Variants in LDLRAD4 observed in about 807,000 individuals in gnomAD.
The protein encoded by LDLRAD4 is low-density lipoprotein receptor class A domain-containing protein 4.
In LDLRAD4, 5 loss-of-function variants were observed where a neutral mutation model predicts 17.0. The observed-to-expected ratio is 0.29, with a 90% CI of 0.15 to 0.62. The LOEUF (loss-of-function observed/expected upper bound fraction) is 0.62. Among genes scored for constraint, LDLRAD4 ranks in the 20% least tolerant of loss-of-function variants. The pLI, the probability that LDLRAD4 is intolerant of heterozygous loss-of-function variation, is 0.84. For synonymous variants in LDLRAD4, 168 were observed against 171.8 expected, an observed-to-expected ratio of 0.98 and a Z score of 0.17; for missense variants, 340 against 424.7, an observed-to-expected ratio of 0.80 and a Z score of 1.75.
intron 3 of LDLRAD4, among the ~76,000 whole-genome samples, chr18:13,524,931 C>T (rs1476355068): frequency 6.6e-6 from 1 of 152,242 alleles, no homozygotes; most frequent in African/African-American, 2.4e-5. Flanking sequence ...CGCCCCAGTT[C>T]TAAATTAAGG....
intron 1 of LDLRAD4, among the ~76,000 whole-genome samples, chr18:13,318,003 T>C (rs1378465017): frequency 6.6e-6 from 1 of 152,212 alleles, no homozygotes; most frequent in East Asian, 1.9e-4. Flanking sequence ...TATTTGTCTC[T>C]CTGTGTCATC....
At chr18:13,451,254 G>A (rs1402641294) in intron 3 of LDLRAD4, among the ~76,000 whole-genome samples, 5 of 152,220 alleles carry the variant, frequency 3.3e-5, no homozygotes, top group African/African-American at 9.6e-5. Context: ...ATGTTGAGAT[G>A]TAAGCCCCAG....
rs188700704 is a variant in LDLRAD4 at position 13,335,454 on chromosome 18, C to G, written c.-382-51887C>G. 1.9e-3 allele frequency among the ~76,000 whole-genome samples: 292 copies of G among 152,334 alleles called. 3 individuals carry two copies. Among genetic ancestry groups the G allele is most frequent in the Non-Finnish European group, 3.1e-3 (210 of 68,038 alleles). On this transcript the variant is annotated intron_variant, in intron 1 of 5. Transcript: ENST00000359446. ...GTGACATTACCCTGTCTCCCACCAT[C>G]TTTTACTACTCTCCCCCAACACTAC... is the stretch of plus-strand genomic sequence containing the variant.
rs142424679 is a variant in LDLRAD4, at chr18:13,530,512, G to A, written c.182-90605G>A. ...CTAGTAGGAGTCCAAAAACATCCTG[G>A]CCAAAATGAAATGATTTCCAGCAAT... On this transcript the variant is annotated intron_variant, in intron 3 of 5. Coordinates refer to ENST00000359446, the Ensembl canonical transcript of LDLRAD4. Among the ~76,000 whole-genome samples, 48 of 152,272 alleles carry A rather than the reference G, an allele frequency of 3.2e-4. No individual in the cohort carries two copies. The East Asian group carries it at 8.7e-3, about 28-fold the overall frequency.
intron 3 of LDLRAD4, among the ~76,000 whole-genome samples, chr18:13,473,678 T>TATATATATATATATATA (rs374731826): frequency 2.5e-5 from 2 of 79,986 alleles, no homozygotes; most frequent in Non-Finnish European, 2.3e-5. Flanking sequence ...TATATATATA[T>TATATATATATATATATA]AACGTTTACA....
intron 3 of LDLRAD4, chr18:13,612,691 C>A: frequency 6.2e-7 from 1 of 1,613,842 alleles, no homozygotes. Flanking sequence ...CTCCCACTTG[C>A]AGAGGACCTG....
intron 1 of LDLRAD4, among the ~76,000 whole-genome samples, chr18:13,330,914 TG>T (rs1009661599): frequency 6.6e-6 from 1 of 152,214 alleles, no homozygotes; most frequent in African/African-American, 2.4e-5. Context: ...CCCAAAGGAC[TG>T]GGGTCCAAGA....
rs536103191 is a variant in LDLRAD4 at position 13,540,178 on chromosome 18, T to C, written c.182-80939T>C. Among the ~76,000 whole-genome samples the C allele has an allele frequency of 8.5e-5, 13 of 152,362 alleles. 1 individual carries two copies. Among genetic ancestry groups the C allele is most frequent in the African/African-American group, 3.1e-4 (13 of 41,586 alleles). On this transcript the variant is annotated intron_variant, in intron 3 of 5. Transcript: ENST00000359446. ...TTTCATGCCAAATCTTCCCAATTTATCTGTGTTTGTCTTTTTTAAAAAATA... is the reference window on the plus strand; with the variant it reads ...TTTCATGCCAAATCTTCCCAATTTACCTGTGTTTGTCTTTTTTAAAAAATA...
intron 3 of LDLRAD4, among the ~76,000 whole-genome samples, chr18:13,616,558 G>T (rs891726413): frequency 6.6e-6 from 1 of 152,210 alleles, no homozygotes; most frequent in Non-Finnish European, 1.5e-5. Context: ...TCTGCCGCGT[G>T]TGTGGGCCCC....
intron 1 of LDLRAD4, among the ~76,000 whole-genome samples, chr18:13,296,461 A>G (rs752417686): frequency 1.3e-5 from 2 of 152,018 alleles, no homozygotes; most frequent in Admixed American, 6.6e-5. Context: ...GACTGCCACC[A>G]TGTCCCTGGG....
intron 3 of LDLRAD4, chr18:13,611,447 T>C (rs1452290338): frequency 9.1e-6 from 9 of 985,270 alleles, no homozygotes; most frequent in Non-Finnish European, 8.4e-6. Context: ...ACTCGCAGCC[T>C]GCCCTGAATT....
At chr18:13,427,038 G>T (rs1158577076) in intron 2 of LDLRAD4, among the ~76,000 whole-genome samples, 1 of 151,922 alleles carries the variant, frequency 6.6e-6, no homozygotes, top group Admixed American at 6.6e-5. Flanking sequence ...CAAAAAAAAT[G>T]AGCCAGGCGT....
At chr18:13,435,094 C>G (rs2090567716) in intron 2 of LDLRAD4, among the ~76,000 whole-genome samples, 1 of 152,208 alleles carries the variant, frequency 6.6e-6, no homozygotes, top group Non-Finnish European at 1.5e-5. Context: ...ACAATAATCT[C>G]GTGATTAGAG....
At chr18:13,380,001 TGCCCGTCAGCCCG>T (rs2085227181) in intron 1 of LDLRAD4, among the ~76,000 whole-genome samples, 1 of 141,176 alleles carries the variant, frequency 7.1e-6, no homozygotes, top group Non-Finnish European at 1.6e-5. Flanking sequence ...GCCAGCCCCC[TGCCCGTCAGCCCG>T]AGCCCTCACG....
chr18:13,621,296 C>T lies in LDLRAD4; in HGVS notation c.336+25C>T. ...GGTGAGTACCCTGGCCGCCCCGGCT[C>T]CAGAGTCAGGCAGCTGCAAGAGGCT... is the stretch of plus-strand genomic sequence containing the variant. On this transcript the variant is annotated intron_variant, in intron 4 of 5. Coordinates refer to ENST00000359446, the Ensembl canonical transcript of LDLRAD4. The surrounding 1 kb of genome is among the most constrained non-coding windows in gnomAD (Gnocchi z 5.5). The T allele has an allele frequency of 6.3e-7, 1 of 1,587,456 alleles. No individual in the cohort carries two copies. The highest frequency in any genetic ancestry group is 8.6e-7 in the Non-Finnish European group (1 of 1,161,108).
chr18:13,443,928 G>T (rs1436684019), intron 3 of LDLRAD4, among the ~76,000 whole-genome samples: 1 of 152,170 alleles, frequency 6.6e-6, no homozygotes, highest in African/African-American at 2.4e-5. Flanking sequence ...TACCGCCTCG[G>T]TACAGCTCTT....
chr18:13,273,785 G>A (rs891710526), upstream of LDLRAD4, among the ~76,000 whole-genome samples: 2 of 152,212 alleles, frequency 1.3e-5, no homozygotes, highest in East Asian at 3.9e-4. Flanking sequence ...TCCCTTCAGG[G>A]TTTTCCATCC....
chr18:13,404,901 T>C (rs1437236023), intron 2 of LDLRAD4, among the ~76,000 whole-genome samples: 1 of 151,786 alleles, frequency 6.6e-6, no homozygotes, highest in Non-Finnish European at 1.5e-5. Flanking sequence ...CAGAAATGCA[T>C]GCAAAAGAAT....
At chr18:13,601,585 C>T (rs905144642) in intron 3 of LDLRAD4, among the ~76,000 whole-genome samples, 7 of 147,648 alleles carry the variant, frequency 4.7e-5, no homozygotes, top group Non-Finnish European at 1.0e-4. Context: ...ACCCGGGAGG[C>T]GGAGCTTGCA....
Sources: allele counts gnomAD v4.1 joint callset (sites outside exome capture counted in the v4.1 genomes callset), GRCh38; gene constraint gnomAD v4.1.1; non-coding constraint Gnocchi (gnomAD v3.1); transcripts MANE v1.5; gene names NCBI Gene and HGNC (gene_info 2026-07-23, HGNC 2026-07-21).